Variants in SEPTIN6 observed in about 807,000 individuals in gnomAD.
The protein encoded by SEPTIN6 is septin 6.
In SEPTIN6, 8 loss-of-function variants were observed where a neutral mutation model predicts 33.6. That is an observed-to-expected ratio of 0.24 (90% confidence interval 0.14 to 0.43). The LOEUF (loss-of-function observed/expected upper bound fraction) is 0.43, where lower values mean the gene tolerates loss of function less well. Ranked by LOEUF, SEPTIN6 falls within the 20% of genes least tolerant of loss-of-function variation. The pLI is 1.00. For synonymous variants in SEPTIN6, 131 were observed against 140.0 expected (o/e 0.94, Z 0.45); for missense variants, 250 against 340.8 (o/e 0.73, Z 2.10).
rs1179387495 is a variant in SEPTIN6 at position 119,617,665 on chromosome X, T to C, written c.*2428A>G. On this transcript the variant is annotated 3_prime_UTR_variant, in exon 11 of 11. Coordinates refer to ENST00000394610, the MANE Select transcript of SEPTIN6 (RefSeq NM_145799.4). ...CAGGAATGTAACGTATATAAACAGATTGAATCCCTTTGTGAAACTGATTGG... is the reference window on the plus strand; with the variant it reads ...CAGGAATGTAACGTATATAAACAGACTGAATCCCTTTGTGAAACTGATTGG... 1 of 804,977 alleles carries C rather than the reference T, an allele frequency of 1.2e-6. No homozygotes were observed. Among genetic ancestry groups the C allele is most frequent in the African/African-American group, 2.2e-5 (1 of 46,330 alleles). The allele number at this position is 804,977 out of a possible 1,213,427, so 66.3% of individuals were successfully genotyped here.
intron 3 of SEPTIN6, 107 bp downstream of exon 3, chrX:119,663,375 A>T: frequency 1.5e-6 from 1 of 664,921 alleles, no homozygotes; most frequent in Admixed American, 3.1e-5. Context: ...CTGGGAGGAC[A>T]GGCTTGGGCC....
At chrX:119,691,372 C>T (rs951658590) in intron 1 of SEPTIN6, among the ~76,000 whole-genome samples, 3 of 112,140 alleles carry the variant, frequency 2.7e-5, no homozygotes, top group Non-Finnish European at 5.6e-5. Context: ...AGTGTAATCC[C>T]AGAGATTAAT....
At chrX:119,644,567 G>A (rs766534534) in intron 5 of SEPTIN6, among the ~76,000 whole-genome samples, 7 of 111,497 alleles carry the variant, frequency 6.3e-5, no homozygotes, top group South Asian at 3.8e-4. Context: ...AAGGGTCTTC[G>A]GCCAGGTGTG....
intron 5 of SEPTIN6, among the ~76,000 whole-genome samples, chrX:119,642,251 G>A (rs936186484): frequency 2.7e-5 from 3 of 110,167 alleles, no homozygotes; most frequent in African/African-American, 9.9e-5. Flanking sequence ...ACAGAGGAGG[G>A]AGCAATTCTT....
At position 119,641,794 on chromosome X, in the gene SEPTIN6, G is replaced by A. The variant is rs187481971; in HGVS notation, c.691-1006C>T. Among the ~76,000 whole-genome samples, 246 of 112,532 alleles carry A rather than the reference G, an allele frequency of 2.2e-3. 1 individual carries two copies. Among genetic ancestry groups the A allele is most frequent in the Middle Eastern group, 4.6e-3 (1 of 216 alleles). Reference sequence around the variant, plus strand: ...AGTCACCACAGCCAGATGGAACCACGGAATCAATGTTTACTGACCAGGTGA... The same window carrying A: ...AGTCACCACAGCCAGATGGAACCACAGAATCAATGTTTACTGACCAGGTGA... On this transcript the variant is annotated intron_variant, in intron 5 of 10. Coordinates refer to ENST00000394610, the MANE Select transcript of SEPTIN6 (RefSeq NM_145799.4).
chrX:119,637,136 T>C lies in SEPTIN6; in HGVS notation c.847A>G (p.Met283Val), dbSNP rs770027309. Reference protein sequence around the residue: ...KLREMLIRVNMEDLREQTHTR... With the variant: ...KLREMLIRVNVEDLREQTHTR... Reference sequence around the variant, plus strand: ...TGGGTCTGCTCCCGCAGATCCTCCATGTTGACCCGAATCAGCATCTCCCGC... The same window carrying C: ...TGGGTCTGCTCCCGCAGATCCTCCACGTTGACCCGAATCAGCATCTCCCGC... Residue 283 changes from methionine (M) to valine (V), a missense_variant, in exon 7 of 11, where the codon ATG becomes GTG. By Grantham distance (21) the Met-to-Val change is conservative. This residue lies in a region of SEPTIN6 where 139 missense variants were observed against 227.0 expected (regional missense o/e 0.61). Transcript: ENST00000394610. The C allele has an allele frequency of 7.4e-6, 9 of 1,209,717 alleles. No individual in the cohort carries two copies. The East Asian group carries it at 1.2e-4, about 16-fold the overall frequency.
intron 1 of SEPTIN6, among the ~76,000 whole-genome samples, chrX:119,682,843 ACCAG>A (rs1285037522): frequency 8.9e-6 from 1 of 111,802 alleles, no homozygotes. Flanking sequence ...TCTGTTTCAA[ACCAG>A]GGTGGCTAAA....
intron 1 of SEPTIN6, among the ~76,000 whole-genome samples, chrX:119,683,965 T>G (rs1251663988): frequency 7.8e-4 from 82 of 104,587 alleles, no homozygotes; most frequent in African/African-American, 2.8e-3. Context: ...TTTGAGACAG[T>G]GTCTCACTCT....
intron 6 of SEPTIN6, among the ~76,000 whole-genome samples, chrX:119,639,605 C>A (rs991574711): frequency 3.6e-5 from 4 of 111,552 alleles, no homozygotes; most frequent in African/African-American, 1.3e-4. Context: ...CCTTGGAAGC[C>A]CCTGAGTGCC....
chrX:119,624,184 T>C (rs1172749495), intron 10 of SEPTIN6: 2 of 242,691 alleles, frequency 8.2e-6, no homozygotes, highest in African/African-American at 3.0e-5. Flanking sequence ...TTTGTTTGTT[T>C]GTTTTTTTGA....
chrX:119,693,019 TCCTTGACCCTCACCAGG>T, intron 1 of SEPTIN6, 40 bp downstream of exon 1: 1 of 1,133,617 alleles, frequency 8.8e-7, no homozygotes, highest in African/African-American at 1.8e-5. Flanking sequence ...CGGCCAGGTC[TCCTTGACCCTCACCAGG>T]CCCTCGGCCC....
downstream of SEPTIN6, chrX:119,616,394 G>A: frequency 4.9e-6 from 2 of 404,342 alleles, no homozygotes; most frequent in Admixed American, 3.1e-5. Flanking sequence ...CCACAGCTGA[G>A]GTGTCCTGCC....
intron 3 of SEPTIN6, among the ~76,000 whole-genome samples, chrX:119,658,227 C>T (rs967712004): frequency 1.8e-5 from 2 of 112,289 alleles, no homozygotes; most frequent in African/African-American, 3.2e-5. Context: ...CATCTACGCA[C>T]ATAAATAGAG....
downstream of SEPTIN6, chrX:119,616,750 GGA>G: frequency 2.5e-6 from 3 of 1,189,385 alleles, no homozygotes; most frequent in Non-Finnish European, 3.4e-6. Context: ...AAGCTGGAAA[GGA>G]GAGAGAAAGA....
intron 1 of SEPTIN6, among the ~76,000 whole-genome samples, chrX:119,691,959 A>G (rs1402654826): frequency 9.0e-6 from 1 of 111,470 alleles, no homozygotes; most frequent in Non-Finnish European, 1.9e-5. Context: ...ATGGATGAAT[A>G]GAATAGCTAG....
At chrX:119,628,111 CCT>C (rs1328424117) in intron 9 of SEPTIN6, among the ~76,000 whole-genome samples, 1 of 107,709 alleles carries the variant, frequency 9.3e-6, no homozygotes, top group African/African-American at 3.4e-5. Context: ...TCTTTTTGTT[CCT>C]CTCTTTCTTT....
At chrX:119,654,258 T>C (rs1488136128) in intron 3 of SEPTIN6, among the ~76,000 whole-genome samples, 3 of 110,927 alleles carry the variant, frequency 2.7e-5, no homozygotes, top group African/African-American at 6.6e-5. Flanking sequence ...CTCTCTTTCC[T>C]GGGCCTCCCT....
intron 8 of SEPTIN6, among the ~76,000 whole-genome samples, chrX:119,631,081 A>G (rs757914940): frequency 9.0e-6 from 1 of 111,013 alleles, no homozygotes; most frequent in Non-Finnish European, 1.9e-5. Context: ...GCATACGATG[A>G]AGAAGGTTAG....
chrX:119,661,773 C>G (rs1344891968), intron 3 of SEPTIN6, among the ~76,000 whole-genome samples: 1 of 111,662 alleles, frequency 9.0e-6, no homozygotes, highest in African/African-American at 3.3e-5. Flanking sequence ...GAGTCTTGCT[C>G]TGCCGCCCAG....
Sources: gnomAD v4.1 joint callset for allele counts (sites outside exome capture counted in the v4.1 genomes callset) on GRCh38, gnomAD v4.1.1 for gene constraint, gnomAD v4.1.1 regional missense constraint, MANE v1.5 for transcripts, NCBI Gene and HGNC (gene_info 2026-07-23, HGNC 2026-07-21) for gene names.